LAMC1: variants seen among roughly 807,000 people sequenced by gnomAD.
LAMC1 encodes the protein laminin subunit gamma-1.
In LAMC1, 38 loss-of-function variants were observed where a neutral mutation model predicts 173.6. The observed-to-expected ratio is 0.22, with a 90% CI of 0.17 to 0.29. LAMC1 has a LOEUF of 0.29. Ranked by LOEUF, LAMC1 falls within the 10% of genes least tolerant of loss-of-function variation. The pLI is 1.00. For missense variants in LAMC1, 1,824 were observed against 2,051.8 expected (o/e 0.89, Z 2.14); for synonymous variants, 746 against 749.1 (o/e 1.00, Z 0.07).
chr1:183,138,949 G>A (rs1657028393), intron 26 of LAMC1, among the ~76,000 whole-genome samples: 2 of 152,072 alleles, frequency 1.3e-5, no homozygotes, highest in South Asian at 2.1e-4. Context: ...AGCTACATAG[G>A]AGGCTGAGGC....
chr1:183,061,579 A>G (rs1394649102), intron 1 of LAMC1, among the ~76,000 whole-genome samples: 1 of 152,132 alleles, frequency 6.6e-6, no homozygotes, highest in Non-Finnish European at 1.5e-5. Context: ...AAGTGCTTAT[A>G]TCTTTTAAGT....
chr1:183,050,579 G>C (rs1369523198), intron 1 of LAMC1, among the ~76,000 whole-genome samples: 2 of 137,358 alleles, frequency 1.5e-5, no homozygotes, highest in African/African-American at 2.6e-5. Flanking sequence ...ACCGTGCCTG[G>C]CCTCTCAGAT....
intron 25 of LAMC1, among the ~76,000 whole-genome samples, chr1:183,136,976 T>C (rs892019214): frequency 9.9e-5 from 15 of 152,152 alleles, no homozygotes; most frequent in African/African-American, 3.6e-4. Context: ...CCCTTTCAAG[T>C]ATATTGCCAT....
intron 5 of LAMC1, among the ~76,000 whole-genome samples, chr1:183,115,256 T>C (rs575643294): frequency 6.6e-6 from 1 of 152,326 alleles, no homozygotes; most frequent in East Asian, 1.9e-4. Flanking sequence ...CAGTGTTTCA[T>C]TGGGTACAAA....
intron 13 of LAMC1, among the ~76,000 whole-genome samples, chr1:183,122,635 C>G (rs1656508142): frequency 6.6e-6 from 1 of 152,192 alleles, no homozygotes; most frequent in African/African-American, 2.4e-5. Context: ...TTCCACTTGC[C>G]TTTCCACATC....
At chr1:183,036,936 C>T (rs955739575) in intron 1 of LAMC1, among the ~76,000 whole-genome samples, 29 of 152,162 alleles carry the variant, frequency 1.9e-4, no homozygotes, top group Admixed American at 5.2e-4. Context: ...CCACCACGCC[C>T]GGCTAATTTT....
intron 1 of LAMC1, among the ~76,000 whole-genome samples, chr1:183,068,814 C>T (rs1196948334): frequency 3.9e-5 from 6 of 151,918 alleles, no homozygotes; most frequent in African/African-American, 7.3e-5. Flanking sequence ...TGGTGGCGGG[C>T]GCCTGTAGTC....
intron 13 of LAMC1, among the ~76,000 whole-genome samples, chr1:183,123,268 A>G (rs143494487): frequency 0.023 from 3,519 of 152,182 alleles, 70 homozygotes; most frequent in South Asian, 0.078. Flanking sequence ...CACCACTTCA[A>G]CTATCACCAA....
In LAMC1 at chr1:183,143,796, T is replaced by C. The variant is rs1657182375; in HGVS notation, c.*1006T>C. 1.3e-5 allele frequency: 2 copies of C among 152,192 alleles called. No homozygotes were observed. Among genetic ancestry groups the C allele is most frequent in the South Asian group, 2.1e-4 (1 of 4,834 alleles). The allele number at this position is 152,192 out of a possible 1,614,324, so 9.4% of individuals were successfully genotyped here. A position where few individuals can be genotyped will look rare whatever the true frequency, so the allele number is the denominator to read the frequency against. ...TTCTAGCAAAGGGATAAAACTTAGA[T>C]GGCAGCTTGTACTGTCAGAATCCCG... On this transcript the variant is annotated 3_prime_UTR_variant, in exon 28 of 28. Coordinates refer to ENST00000258341, the MANE Select transcript of LAMC1 (RefSeq NM_002293.4).
intron 1 of LAMC1, among the ~76,000 whole-genome samples, chr1:183,033,906 C>T (rs2102009113): frequency 6.6e-6 from 1 of 152,162 alleles, no homozygotes. Context: ...ACCATGTTGG[C>T]CAGGCTGGTC....
chr1:183,091,035 C>G (rs1334601418), intron 1 of LAMC1, among the ~76,000 whole-genome samples: 2 of 152,110 alleles, frequency 1.3e-5, no homozygotes, highest in African/African-American at 2.4e-5. Context: ...GTGCTTCTTT[C>G]TGTGAAATCA....
In LAMC1 at chr1:183,116,857, C is replaced by T. The variant is rs147675340; in HGVS notation, c.1518C>T (p.Asn506=). ...TTGGGCATTCTTCTGTCTGTACAAA[C>T]GCTGTTGGCTACAGTGTTTATTCTA... ...FCFGHSSVCT[N]AVGYSVYSIS... Residue 506 remains asparagine (N), a synonymous_variant, in exon 8 of 28, where the codon AAC becomes AAT. Coordinates refer to ENST00000258341, the MANE Select transcript of LAMC1 (RefSeq NM_002293.4). 1.5e-4 allele frequency: 248 copies of T among 1,614,056 alleles called. No homozygotes were observed. In the African/African-American group the frequency reaches 2.5e-3, roughly 16 times the overall value.
At position 183,142,649 on chromosome 1, in the gene LAMC1, T is replaced by G. The variant is rs755164391; in HGVS notation, c.4689T>G (p.Asn1563Lys). 86 of 1,613,970 alleles carry G rather than the reference T, an allele frequency of 5.3e-5. No individual in the cohort carries two copies. The highest frequency in any genetic ancestry group is 6.9e-5 in the Non-Finnish European group (82 of 1,179,996). The stretch of plus-strand genomic sequence containing the variant: ...ATAGGAAAGTGTCTGACCTGGAGAA[T>G]GAAGCCAAGAAGCAGGAGGCTGCCA... Reference protein sequence around the residue: ...DLDRKVSDLENEAKKQEAAIM... With the variant: ...DLDRKVSDLEKEAKKQEAAIM... Residue 1563 changes from asparagine (N) to lysine (K), a missense_variant, in exon 28 of 28, where the codon AAT becomes AAG. Transcript: ENST00000258341.
chr1:183,082,827 G>C (rs1256171090), intron 1 of LAMC1, among the ~76,000 whole-genome samples: 2 of 152,210 alleles, frequency 1.3e-5, no homozygotes, highest in Non-Finnish European at 2.9e-5. Flanking sequence ...GTCAAAGTTA[G>C]AACTGTGACT....
rs1558059957 is a variant in LAMC1, at chr1:183,133,467, G to C, written c.3766G>C (p.Glu1256Gln). 1 of 1,614,072 alleles carries C rather than the reference G, an allele frequency of 6.2e-7. No homozygotes were observed. Among genetic ancestry groups the C allele is most frequent in the East Asian group, 2.2e-5 (1 of 44,876 alleles). Residue 1256 changes from glutamate to glutamine, a missense_variant, in exon 22 of 28, where the codon GAG becomes CAG. Coordinates refer to ENST00000258341, the MANE Select transcript of LAMC1 (RefSeq NM_002293.4). ...AAAACAAGCTGCCCGAGTACATGAGGAGGCCAAAAGGGCCGGTGACAAAGC... is the reference window on the plus strand; with the variant it reads ...AAAACAAGCTGCCCGAGTACATGAGCAGGCCAAAAGGGCCGGTGACAAAGC... ...LEKQAARVHE[E>Q]AKRAGDKAVE...
intron 1 of LAMC1, among the ~76,000 whole-genome samples, chr1:183,081,841 G>A (rs1321823822): frequency 6.6e-6 from 1 of 152,122 alleles, no homozygotes; most frequent in African/African-American, 2.4e-5. Context: ...TTCATGATAT[G>A]TGCTGTTACA....
intron 1 of LAMC1, among the ~76,000 whole-genome samples, chr1:183,059,055 G>A (rs939109431): frequency 6.6e-6 from 1 of 152,174 alleles, no homozygotes; most frequent in African/African-American, 2.4e-5. Context: ...TTATGCATAG[G>A]CAGTTGCTTC....
intron 20 of LAMC1, 142 bp from the exon 21 acceptor site, chr1:183,132,258 C>T (rs568581205): frequency 2.0e-5 from 11 of 559,842 alleles, no homozygotes; most frequent in East Asian, 1.7e-4. Context: ...CGCCACTGCA[C>T]ACCAGCCTGG....
At chr1:183,065,185 T>C (rs1206860610) in intron 1 of LAMC1, among the ~76,000 whole-genome samples, 1 of 152,100 alleles carries the variant, frequency 6.6e-6, no homozygotes, top group Non-Finnish European at 1.5e-5. Flanking sequence ...ACGGTAAAAA[T>C]ACGGTACTAT....
Sources: allele counts gnomAD v4.1 joint callset (sites outside exome capture counted in the v4.1 genomes callset), GRCh38; gene constraint gnomAD v4.1.1; transcripts MANE v1.5; gene names NCBI Gene and HGNC (gene_info 2026-07-23, HGNC 2026-07-21).